CCBE1: variants seen among roughly 807,000 people sequenced by gnomAD.
CCBE1 encodes collagen and calcium binding EGF domains 1, also known as collagen and calcium-binding EGF domain-containing protein 1.
CCBE1 carries 37 observed loss-of-function variants against 50.0 expected under a neutral mutation model. That is an observed-to-expected ratio of 0.74 (90% CI 0.57 to 0.97). The LOEUF (loss-of-function observed/expected upper bound fraction) is 0.97. Among genes scored for constraint, CCBE1 ranks in the 50% least tolerant of loss-of-function variants. The probability of loss-of-function intolerance (pLI) is 0.00; values close to 1 mark genes in which losing one functional copy is unlikely to be tolerated. For missense variants in CCBE1, 538 were observed against 523.8 expected (o/e 1.03, Z -0.26); for synonymous variants, 234 against 203.7 (o/e 1.15, Z -1.27).
At chr18:59,506,594 G>A (rs913745271) in intron 2 of CCBE1, among the ~76,000 whole-genome samples, 6 of 152,180 alleles carry the variant, frequency 3.9e-5, no homozygotes, top group African/African-American at 7.2e-5. Context: ...TGTAAAAATG[G>A]AGCCTGATAT....
At chr18:59,605,571 C>T (rs1011455653) in intron 2 of CCBE1, among the ~76,000 whole-genome samples, 3 of 152,144 alleles carry the variant, frequency 2.0e-5, no homozygotes, top group Non-Finnish European at 4.4e-5. Context: ...ACTAGGTGTT[C>T]CTGGATCATC....
intron 2 of CCBE1, among the ~76,000 whole-genome samples, chr18:59,605,627 G>C (rs2053487639): frequency 6.6e-6 from 1 of 152,102 alleles, no homozygotes; most frequent in Non-Finnish European, 1.5e-5. Flanking sequence ...AACTAAAGAT[G>C]ACAAGGAGCC....
At position 59,524,246 on chromosome 18, in the gene CCBE1, G is replaced by A. The variant is rs943739596; in HGVS notation, c.213-44008C>T. Among the ~76,000 whole-genome samples, 8 of 152,154 alleles carry A rather than the reference G, an allele frequency of 5.3e-5. No homozygotes were observed. In the East Asian group the frequency reaches 1.3e-3, roughly 26 times the overall value. On this transcript the variant is annotated intron_variant, in intron 2 of 10. Coordinates refer to ENST00000439986, the MANE Select transcript of CCBE1 (RefSeq NM_133459.4). ...GAAGCAGGAGAATCGCTTGAACCTAGGAGGCGAAGTTTGCAGTGAGCCAAG... is the reference window on the plus strand; with the variant it reads ...GAAGCAGGAGAATCGCTTGAACCTAAGAGGCGAAGTTTGCAGTGAGCCAAG...
chr18:59,505,267 G>C (rs1375609046), intron 2 of CCBE1, among the ~76,000 whole-genome samples: 3 of 152,134 alleles, frequency 2.0e-5, no homozygotes, highest in Non-Finnish European at 2.9e-5. Flanking sequence ...AGGACCACAT[G>C]ATGGCATCCT....
intron 2 of CCBE1, among the ~76,000 whole-genome samples, chr18:59,669,075 A>G (rs1477413900): frequency 6.6e-6 from 1 of 151,962 alleles, no homozygotes; most frequent in African/African-American, 2.4e-5. Flanking sequence ...ACCTCAAGTG[A>G]TCCACCCACC....
At chr18:59,509,315 T>A (rs1192480346) in intron 2 of CCBE1, among the ~76,000 whole-genome samples, 3 of 152,096 alleles carry the variant, frequency 2.0e-5, no homozygotes, top group Non-Finnish European at 2.9e-5. Flanking sequence ...AAAAATCATA[T>A]ATATACACAT....
rs1172185548 is a variant in CCBE1 at position 59,646,645 on chromosome 18, C to A, written c.212+49984G>T. Among the ~76,000 whole-genome samples, 3 of 152,180 alleles carry A rather than the reference C, an allele frequency of 2.0e-5. 1 individual carries two copies. Among genetic ancestry groups the A allele is most frequent in the Admixed American group, 2.0e-4 (3 of 15,280 alleles). On this transcript the variant is annotated intron_variant, in intron 2 of 10. Coordinates refer to ENST00000439986, the MANE Select transcript of CCBE1 (RefSeq NM_133459.4). ...GGTTGGACTCTCAAATGGGTCTAAC[C>A]TAATACAGTTAAGAATAGCTGCCCT...
chr18:59,558,101 GT>G (rs531099385), intron 2 of CCBE1, among the ~76,000 whole-genome samples: 2 of 152,186 alleles, frequency 1.3e-5, no homozygotes, highest in Non-Finnish European at 2.9e-5. Context: ...CTAAGGGATT[GT>G]CAAGGCCCCT....
chr18:59,637,571 A>C (rs1415938171), intron 2 of CCBE1, among the ~76,000 whole-genome samples: 2 of 152,256 alleles, frequency 1.3e-5, no homozygotes, highest in Non-Finnish European at 2.9e-5. Flanking sequence ...AACTCATTAA[A>C]GTTCATTCTT....
At chr18:59,625,602 G>A (rs1339196573) in intron 2 of CCBE1, among the ~76,000 whole-genome samples, 1 of 152,132 alleles carries the variant, frequency 6.6e-6, no homozygotes, top group Admixed American at 6.5e-5. Flanking sequence ...CTGAAAAGGG[G>A]AACCACCTTC....
intron 2 of CCBE1, among the ~76,000 whole-genome samples, chr18:59,586,813 A>T (rs561410025): frequency 6.6e-6 from 1 of 152,316 alleles, no homozygotes; most frequent in South Asian, 2.1e-4. Context: ...TTAATAGGAA[A>T]TCCAGTAAGA....
At chr18:59,531,963 A>G (rs1268713940) in intron 2 of CCBE1, among the ~76,000 whole-genome samples, 1 of 152,238 alleles carries the variant, frequency 6.6e-6, no homozygotes, top group Admixed American at 6.5e-5. Context: ...ACCATGTATC[A>G]CAACAATTGA....
At chr18:59,467,794 C>T (rs1911822457) in intron 4 of CCBE1, among the ~76,000 whole-genome samples, 1 of 152,196 alleles carries the variant, frequency 6.6e-6, no homozygotes, top group South Asian at 2.1e-4. Flanking sequence ...ATGGCAACAA[C>T]TTCCCAGCCA....
At chr18:59,633,419 T>C (rs1179059365) in intron 2 of CCBE1, among the ~76,000 whole-genome samples, 1 of 152,248 alleles carries the variant, frequency 6.6e-6, no homozygotes, top group African/African-American at 2.4e-5. Context: ...ACATTAGTTT[T>C]CTCTGGTCCA....
chr18:59,654,950 G>T (rs1568256331), intron 2 of CCBE1, among the ~76,000 whole-genome samples: 1 of 151,928 alleles, frequency 6.6e-6, no homozygotes. Context: ...AGCCAGGCAT[G>T]GGGGTGGGCA....
chr18:59,505,354 T>C (rs774201881), intron 2 of CCBE1, among the ~76,000 whole-genome samples: 69 of 152,332 alleles, frequency 4.5e-4, no homozygotes, highest in Admixed American at 3.3e-4. Flanking sequence ...ACAGGCTTAT[T>C]AACTAACCTG....
chr18:59,559,647 A>G (rs1028122657), intron 2 of CCBE1, among the ~76,000 whole-genome samples: 4 of 152,224 alleles, frequency 2.6e-5, no homozygotes, highest in African/African-American at 9.6e-5. Context: ...GGGGACTCCA[A>G]ATAACCAAAG....
intron 2 of CCBE1, among the ~76,000 whole-genome samples, chr18:59,548,302 T>G (rs112118630): frequency 2.0e-5 from 3 of 152,186 alleles, no homozygotes; most frequent in Admixed American, 2.0e-4. Context: ...ATGAAGACAA[T>G]AAAATTATAT....
At chr18:59,442,449 C>T (rs891995686) in intron 7 of CCBE1, among the ~76,000 whole-genome samples, 1 of 152,064 alleles carries the variant, frequency 6.6e-6, no homozygotes, top group African/African-American at 2.4e-5. Context: ...AAATTGGGGC[C>T]AGGTGCGGTG....
Sources: gnomAD v4.1 joint callset for allele counts (sites outside exome capture counted in the v4.1 genomes callset) on GRCh38, gnomAD v4.1.1 for gene constraint, MANE v1.5 for transcripts, NCBI Gene and HGNC (gene_info 2026-07-23, HGNC 2026-07-21) for gene names.